The following GPHN variants were observed in gnomAD, a reference collection of about 807,000 sequenced individuals.
GPHN encodes the protein gephyrin.
A neutral mutation model predicts 95.5 loss-of-function variants in GPHN; 17 were observed. The ratio of observed to expected loss-of-function variants is 0.18; its 90% confidence interval spans 0.12 to 0.27. GPHN has a LOEUF of 0.27. GPHN is among the 10% of genes least tolerant of loss of function. GPHN has a pLI of 1.00. For synonymous variants in GPHN, 320 were observed against 322.5 expected (o/e 0.99, Z 0.08); for missense variants, 660 against 978.1 (o/e 0.67, Z 4.34).
intron 1 of GPHN, among the ~76,000 whole-genome samples, chr14:66,666,715 A>G (rs957908005): frequency 5.3e-5 from 8 of 152,214 alleles, no homozygotes; most frequent in African/African-American, 1.9e-4. Context: ...ATTCTCCTTG[A>G]AAACCGGCAC....
chr14:67,520,383 C>A, the GPHN span, among the ~76,000 whole-genome samples: 1 of 152,196 alleles, frequency 6.6e-6, no homozygotes, highest in Non-Finnish European at 1.5e-5. Context: ...TTCTTTTCAC[C>A]TGCTCTACAG....
intron 1 of GPHN, among the ~76,000 whole-genome samples, chr14:66,512,421 C>T (rs992493820): frequency 3.3e-5 from 5 of 151,690 alleles, no homozygotes; most frequent in South Asian, 2.1e-4. Context: ...CGTATTAGTT[C>T]GCTACAGCTA....
At chr14:67,165,608 G>A (rs991355578) in intron 20 of GPHN, among the ~76,000 whole-genome samples, 18 of 152,172 alleles carry the variant, frequency 1.2e-4, no homozygotes, top group African/African-American at 3.4e-4. Context: ...GAAGTATTGT[G>A]CTCTAGAGGC....
At position 66,978,662 on chromosome 14, in the gene GPHN, T is replaced by G. The variant is rs554795701; in HGVS notation, c.963+13337T>G. ...CACCGAAGTCTTCAACTCCTAAACA[T>G]CCATATGGTTGGAATCAACTTCTTC... On this transcript the variant is annotated intron_variant, in intron 9 of 22. Transcript: ENST00000478722. Among the ~76,000 whole-genome samples the G allele has an allele frequency of 1.1e-4, 16 of 152,264 alleles. No individual in the cohort carries two copies. The East Asian group carries it at 2.7e-3, about 26-fold the overall frequency.
chr14:66,849,324 G>T (rs948841908), intron 4 of GPHN, among the ~76,000 whole-genome samples: 4 of 151,716 alleles, frequency 2.6e-5, no homozygotes, highest in African/African-American at 9.7e-5. Context: ...AAACATTTAG[G>T]TTCTTTCCTA....
chr14:66,561,329 C>G lies in GPHN; in HGVS notation c.64+52738C>G, dbSNP rs2060231832. Among the ~76,000 whole-genome samples, 4 of 152,232 alleles carry G rather than the reference C, an allele frequency of 2.6e-5. No homozygotes were observed. The East Asian group carries it at 7.7e-4, about 29-fold the overall frequency. On this transcript the variant is annotated intron_variant, in intron 1 of 22. Transcript: ENST00000478722. ...TCAGAAGGAATGGTACCAGTTCCTC[C>G]TTGTACCTCTGGTAGAATTCGGCTG...
At chr14:67,667,095 G>C in the GPHN span, among the ~76,000 whole-genome samples, 1 of 152,134 alleles carries the variant, frequency 6.6e-6, no homozygotes, top group African/African-American at 2.4e-5. Context: ...GACTCTCTGG[G>C]ACCAACTCTG....
the GPHN span, among the ~76,000 whole-genome samples, chr14:67,247,542 A>G: frequency 6.6e-6 from 1 of 150,938 alleles, no homozygotes; most frequent in Non-Finnish European, 1.5e-5. Context: ...TTCCACTGAG[A>G]TGTCGAATAG....
At chr14:66,823,421 T>C (rs886973237) in intron 3 of GPHN, 2 of 152,214 alleles carry the variant, frequency 1.3e-5, no homozygotes, top group African/African-American at 2.4e-5. Context: ...TGAAACCACT[T>C]TATAAGCACC....
chr14:67,279,503 C>T, the GPHN span: 3 of 1,564,360 alleles, frequency 1.9e-6, no homozygotes, highest in Non-Finnish European at 2.6e-6. Context: ...AAGGAATTGT[C>T]TTAGAAAGTC....
chr14:66,657,535 G>C (rs2065374955), intron 1 of GPHN, among the ~76,000 whole-genome samples: 1 of 152,158 alleles, frequency 6.6e-6, no homozygotes, highest in Non-Finnish European at 1.5e-5. Context: ...TCAAAGCTTA[G>C]GCTGACTCAT....
At chr14:67,610,046 G>A in the GPHN span, among the ~76,000 whole-genome samples, 1 of 152,144 alleles carries the variant, frequency 6.6e-6, no homozygotes, top group Non-Finnish European at 1.5e-5. Flanking sequence ...GTCAAGGGCC[G>A]TTTGTGTCCT....
At chr14:67,148,853 A>G (rs2081066469) in intron 18 of GPHN, among the ~76,000 whole-genome samples, 1 of 151,304 alleles carries the variant, frequency 6.6e-6, no homozygotes, top group Non-Finnish European at 1.5e-5. Flanking sequence ...GGCGTGAGCC[A>G]CCGCGCCCGG....
chr14:67,138,886 CCT>C (rs1491135370), intron 17 of GPHN, among the ~76,000 whole-genome samples: 8 of 133,994 alleles, frequency 6.0e-5, no homozygotes, highest in African/African-American at 2.5e-4. Context: ...AGCATCCTCT[CCT>C]TTTTTTTTTT....
the GPHN span, among the ~76,000 whole-genome samples, chr14:67,362,961 C>T: frequency 1.3e-5 from 2 of 152,026 alleles, no homozygotes; most frequent in African/African-American, 4.8e-5. Context: ...ATAGTCATAT[C>T]CCTTCAGGAT....
Position 67,042,746 on chromosome 14 carries a change from GT to G in GPHN, c.1007-15897del, listed in dbSNP as rs547162426. On this transcript the variant is annotated intron_variant, in intron 10 of 22. Coordinates refer to ENST00000478722, the MANE Select transcript of GPHN (RefSeq NM_020806.5). ...TTGGTTCCATATGAAGTTTAAAGTA[GT>G]TTTTTCCAATTCTGTGAAGAAAGTC... 2.6e-3 allele frequency among the ~76,000 whole-genome samples: 397 copies of G among 152,272 alleles called. 2 individuals are homozygous for G. Among genetic ancestry groups the G allele is most frequent in the African/African-American group, 9.0e-3 (375 of 41,554 alleles).
the GPHN span, among the ~76,000 whole-genome samples, chr14:67,614,679 T>C: frequency 6.6e-6 from 1 of 152,112 alleles, no homozygotes; most frequent in Non-Finnish European, 1.5e-5. Context: ...GGAGGATTGC[T>C]TGAGTCCAGG....
intron 1 of GPHN, among the ~76,000 whole-genome samples, chr14:66,557,742 G>C (rs2060066074): frequency 1.3e-5 from 2 of 152,148 alleles, no homozygotes; most frequent in Non-Finnish European, 1.5e-5. Flanking sequence ...CTGCTTAAAT[G>C]TGGTTAAACA....
the GPHN span, among the ~76,000 whole-genome samples, chr14:67,523,319 T>A: frequency 5.5e-5 from 6 of 108,706 alleles, no homozygotes; most frequent in South Asian, 1.2e-3. Flanking sequence ...TAAGACTCCA[T>A]CTCAAAAAAA....
Sources: gnomAD v4.1 joint callset for allele counts (sites outside exome capture counted in the v4.1 genomes callset) on GRCh38, gnomAD v4.1.1 for gene constraint, MANE v1.5 for transcripts, NCBI Gene and HGNC (gene_info 2026-07-23, HGNC 2026-07-21) for gene names.